The following LHFPL6 variants were observed in gnomAD, a reference collection of about 807,000 sequenced individuals.
The protein encoded by LHFPL6 is LHFPL tetraspan subfamily member 6.
A neutral mutation model predicts 20.6 loss-of-function variants in LHFPL6; 9 were observed. The observed-to-expected ratio is 0.44, with a 90% confidence interval of 0.26 to 0.76. LHFPL6 has a LOEUF of 0.76. Ranked by LOEUF, LHFPL6 falls within the 30% of genes least tolerant of loss-of-function variation. The probability of loss-of-function intolerance (pLI) is 0.20; values close to 1 mark genes in which losing one functional copy is unlikely to be tolerated. For missense variants in LHFPL6, 218 were observed against 253.5 expected (o/e 0.86, Z 0.95); for synonymous variants, 105 against 98.7 (o/e 1.06, Z -0.38).
rs540720828 is a variant in LHFPL6, at chr13:39,563,052, T to A, written c.385+37780A>T. 6.8e-5 allele frequency among the ~76,000 whole-genome samples: 10 copies of A among 146,606 alleles called. 1 individual carries two copies. The South Asian group carries it at 2.2e-3, about 32-fold the overall frequency. On this transcript the variant is annotated intron_variant, in intron 2 of 3. Coordinates refer to ENST00000379589, the MANE Select transcript of LHFPL6 (RefSeq NM_005780.3). Reference sequence around the variant, plus strand: ...AGTAATAGTAATTTGTTTAAATTCCTCATTAAATGAGTCATAAAGGTCATG... The same window carrying A: ...AGTAATAGTAATTTGTTTAAATTCCACATTAAATGAGTCATAAAGGTCATG...
At chr13:39,417,787 T>C (rs1871383220) in intron 2 of LHFPL6, among the ~76,000 whole-genome samples, 1 of 152,150 alleles carries the variant, frequency 6.6e-6, no homozygotes, top group South Asian at 2.1e-4. Flanking sequence ...TGCATTCCAA[T>C]TGACTGGGGT....
chr13:39,378,413 A>G lies in LHFPL6; in HGVS notation c.484+15T>C. ...TCTTTTTCTAAAAGGAGTGCCATCC[A>G]TGAAGAAAGCTTACCCAGGTCAAAC... On this transcript the variant is annotated intron_variant, in intron 3 of 3. Transcript: ENST00000379589. The G allele has an allele frequency of 6.2e-7, 1 of 1,605,916 alleles. No homozygotes were observed. Among genetic ancestry groups the G allele is most frequent in the South Asian group, 1.1e-5 (1 of 90,894 alleles).
intron 2 of LHFPL6, among the ~76,000 whole-genome samples, chr13:39,438,078 T>C (rs573050073): frequency 5.3e-5 from 8 of 152,166 alleles, no homozygotes; most frequent in Admixed American, 1.3e-4. Flanking sequence ...ACGTATTAAA[T>C]TGTTGTGACC....
intron 2 of LHFPL6, among the ~76,000 whole-genome samples, chr13:39,514,787 C>T (rs1168172781): frequency 6.6e-6 from 1 of 152,220 alleles, no homozygotes; most frequent in African/African-American, 2.4e-5. Context: ...TTAATATTCT[C>T]AAAGTGGAAG....
chr13:39,562,573 CAT>C (rs1350283262), intron 2 of LHFPL6, among the ~76,000 whole-genome samples: 1 of 131,248 alleles, frequency 7.6e-6, no homozygotes, highest in African/African-American at 2.8e-5. Context: ...TATACACATA[CAT>C]ATATACACAT....
rs1443012216 is a variant in LHFPL6 at position 39,361,092 on chromosome 13, G to GAC, written c.485-17040_485-17039dup. ...GCTGCTCAAATCTGTGAAAGGGCAG[G>GAC]ACACACTGACCAGTAGCTGGACTTG... On this transcript the variant is annotated intron_variant, in intron 3 of 3. Transcript: ENST00000379589. Among the ~76,000 whole-genome samples, 7 of 96,668 alleles carry GAC rather than the reference G, an allele frequency of 7.2e-5. 2 individuals carry two copies. The highest frequency in any genetic ancestry group is 1.7e-4 in the Non-Finnish European group (7 of 41,022). The allele number at this position is 96,668 out of a possible 152,430, so 63.4% of individuals were successfully genotyped here.
chr13:39,465,448 T>C (rs750862971), intron 2 of LHFPL6, among the ~76,000 whole-genome samples: 8 of 152,152 alleles, frequency 5.3e-5, no homozygotes, highest in Admixed American at 6.5e-5. Flanking sequence ...TTTTCCAATA[T>C]ATTCAGACAT....
chr13:39,359,503 C>T (rs75610903), intron 3 of LHFPL6, among the ~76,000 whole-genome samples: 3 of 152,088 alleles, frequency 2.0e-5, no homozygotes, highest in Admixed American at 1.3e-4. Flanking sequence ...ACATAAAGGC[C>T]GTTTTCCTAA....
chr13:39,371,913 T>G (rs541989725), intron 3 of LHFPL6, among the ~76,000 whole-genome samples: 1 of 152,344 alleles, frequency 6.6e-6, no homozygotes, highest in Non-Finnish European at 1.5e-5. Flanking sequence ...TCCTCTCCTT[T>G]TGGCATGAAC....
chr13:39,515,875 G>C (rs1258390296), intron 2 of LHFPL6, among the ~76,000 whole-genome samples: 1 of 152,022 alleles, frequency 6.6e-6, no homozygotes, highest in Non-Finnish European at 1.5e-5. Flanking sequence ...AAATTACTAT[G>C]GAAATACAGT....
At chr13:39,529,905 T>C (rs970939865) in intron 2 of LHFPL6, among the ~76,000 whole-genome samples, 2 of 152,242 alleles carry the variant, frequency 1.3e-5, no homozygotes, top group Non-Finnish European at 2.9e-5. Flanking sequence ...AAAGAAGTTT[T>C]GCACGAAGTG....
chr13:39,369,684 T>C (rs1395332326), intron 3 of LHFPL6, among the ~76,000 whole-genome samples: 1 of 148,840 alleles, frequency 6.7e-6, no homozygotes, highest in Non-Finnish European at 1.5e-5. Context: ...ATGGCAGATA[T>C]ATGGCATGCC....
At chr13:39,419,812 T>C (rs1357458521) in intron 2 of LHFPL6, among the ~76,000 whole-genome samples, 1 of 152,188 alleles carries the variant, frequency 6.6e-6, no homozygotes, top group African/African-American at 2.4e-5. Flanking sequence ...CTGAGAGTCT[T>C]TCCCTAAGGT....
At chr13:39,578,707 G>A (rs914663202) in intron 2 of LHFPL6, among the ~76,000 whole-genome samples, 3 of 152,202 alleles carry the variant, frequency 2.0e-5, no homozygotes, top group Non-Finnish European at 4.4e-5. Flanking sequence ...GACAGGTACA[G>A]GTTATGCTAA....
At chr13:39,469,572 G>A (rs1017857756) in intron 2 of LHFPL6, among the ~76,000 whole-genome samples, 9 of 152,144 alleles carry the variant, frequency 5.9e-5, no homozygotes, top group African/African-American at 1.7e-4. Context: ...GAAAACAAAT[G>A]GGTTAGTGCT....
intron 2 of LHFPL6, among the ~76,000 whole-genome samples, chr13:39,526,729 A>G (rs1870300302): frequency 6.6e-6 from 1 of 152,234 alleles, no homozygotes; most frequent in African/African-American, 2.4e-5. Flanking sequence ...CAGCCTTCAG[A>G]CACATCGAGC....
chr13:39,385,561 C>T (rs1289588984), intron 2 of LHFPL6, among the ~76,000 whole-genome samples: 3 of 152,188 alleles, frequency 2.0e-5, no homozygotes, highest in Non-Finnish European at 4.4e-5. Flanking sequence ...AGAAACTCTT[C>T]GATTTCACAA....
intron 3 of LHFPL6, among the ~76,000 whole-genome samples, chr13:39,374,759 C>T (rs971692293): frequency 1.9e-4 from 29 of 152,302 alleles, no homozygotes; most frequent in African/African-American, 6.5e-4. Flanking sequence ...TCCTTTCTAA[C>T]ATACTTCACA....
At chr13:39,528,399 G>A (rs142375751) in intron 2 of LHFPL6, among the ~76,000 whole-genome samples, 1 of 152,116 alleles carries the variant, frequency 6.6e-6, no homozygotes, top group African/African-American at 2.4e-5. Context: ...AAGGTCCCAT[G>A]GTCACCTCCT....
Sources: gnomAD v4.1 joint callset for allele counts (sites outside exome capture counted in the v4.1 genomes callset) on GRCh38, gnomAD v4.1.1 for gene constraint, MANE v1.5 for transcripts, NCBI Gene and HGNC (gene_info 2026-07-23, HGNC 2026-07-21) for gene names.